MIA2: variants seen among roughly 807,000 people sequenced by gnomAD.
MIA2 encodes MIA SH3 domain ER export factor 2, also known as melanoma inhibitory activity protein 2.
MIA2 carries 127 observed loss-of-function variants against 167.8 expected under a neutral mutation model. That is an observed-to-expected ratio of 0.76 (90% CI 0.66 to 0.88). MIA2 has a LOEUF of 0.88. Among genes scored for constraint, MIA2 ranks in the 40% least tolerant of loss-of-function variants. The probability of loss-of-function intolerance (pLI) is 0.00; values close to 1 mark genes in which losing one functional copy is unlikely to be tolerated. For synonymous variants in MIA2, 552 were observed against 541.9 expected (o/e 1.02, Z -0.26); for missense variants, 1,690 against 1,624.7 (o/e 1.04, Z -0.69).
chr14:39,355,489 C>T (rs962070707), downstream of MIA2, among the ~76,000 whole-genome samples: 2 of 152,218 alleles, frequency 1.3e-5, no homozygotes, highest in South Asian at 2.1e-4. Context: ...ACAATCATGT[C>T]CCCTGCAAAC....
At chr14:39,263,095 G>T (rs1041480000) in intron 6 of MIA2, among the ~76,000 whole-genome samples, 2 of 152,138 alleles carry the variant, frequency 1.3e-5, no homozygotes, top group African/African-American at 4.8e-5. Flanking sequence ...TCTTGTGCCA[G>T]TTTTCAAAGG....
chr14:39,346,915 A>G (rs1486326028), intron 26 of MIA2: 21 of 325,676 alleles, frequency 6.4e-5, no homozygotes, highest in Admixed American at 5.6e-4. Context: ...CTGGAAAGTC[A>G]GTATTTTATT....
chr14:39,261,858 T>C (rs2055134216), intron 6 of MIA2, among the ~76,000 whole-genome samples: 1 of 152,156 alleles, frequency 6.6e-6, no homozygotes, highest in African/African-American at 2.4e-5. Flanking sequence ...TCTTGTACAT[T>C]TGTTTGAGTT....
intron 2 of MIA2, among the ~76,000 whole-genome samples, chr14:39,238,469 G>A (rs1328705402): frequency 2.0e-5 from 3 of 151,930 alleles, no homozygotes; most frequent in East Asian, 3.9e-4. Context: ...CACTATGCCC[G>A]GCCCTAGGTG....
chr14:39,348,365 A>G (rs2073870334), intron 27 of MIA2, among the ~76,000 whole-genome samples: 1 of 152,186 alleles, frequency 6.6e-6, no homozygotes. Flanking sequence ...AATATTTTAA[A>G]GTATATTTTT....
At chr14:39,260,414 T>C (rs2055041317) in intron 6 of MIA2, among the ~76,000 whole-genome samples, 1 of 152,218 alleles carries the variant, frequency 6.6e-6, no homozygotes, top group Non-Finnish European at 1.5e-5. Flanking sequence ...TGGTGTGAGA[T>C]GGTATCTCAT....
intron 2 of MIA2, chr14:39,237,351 C>T (rs1226428252): frequency 5.7e-6 from 2 of 352,992 alleles, no homozygotes; most frequent in African/African-American, 2.1e-5. Flanking sequence ...TGGTCACAAA[C>T]CCCTGAGCTA....
chr14:39,298,530 G>GTTTTTTTTTTT (rs764475842), intron 13 of MIA2, among the ~76,000 whole-genome samples: 556 of 26,082 alleles, frequency 0.021, 31 homozygotes, highest in Non-Finnish European at 0.029. Flanking sequence ...GTAGAACAGA[G>GTTTTTTTTTTT]TTTTTTTTTT....
intron 15 of MIA2, among the ~76,000 whole-genome samples, chr14:39,302,902 CT>C (rs2062762997): frequency 6.6e-6 from 1 of 152,034 alleles, no homozygotes; most frequent in Non-Finnish European, 1.5e-5. Context: ...GTTCTTCAGA[CT>C]TTTATGTCAT....
chr14:39,381,025 A>AAC (rs1555423421), intron 23 of MIA2, among the ~76,000 whole-genome samples: 26 of 145,678 alleles, frequency 1.8e-4, no homozygotes, highest in Admixed American at 1.0e-3. Flanking sequence ...AAAAAAACAA[A>AAC]AAAAAAAAAA....
chr14:39,263,019 C>T (rs1260381050), intron 6 of MIA2, among the ~76,000 whole-genome samples: 2 of 152,160 alleles, frequency 1.3e-5, no homozygotes, highest in South Asian at 2.1e-4. Context: ...CCTTCTCTTG[C>T]CTGATTGCCC....
chr14:39,247,257 G>A lies in MIA2; in HGVS notation c.683G>A (p.Gly228Glu). The change falls in exon 4 of 29, where the codon GGA becomes GAA. Residue 228 changes from glycine to glutamate, a missense_variant. Transcript: ENST00000640607. ...GTGTCTGGAGTCAAAGAATGGTTTG[G>A]ATTGGGAGGAGAACAAGCTGAAGAG... is the stretch of plus-strand genomic sequence containing the variant. ...SAVSGVKEWF[G>E]LGGEQAEEKA... is the part of the protein sequence containing the mutation. 1 of 1,614,046 alleles carries A rather than the reference G, an allele frequency of 6.2e-7. No individual in the cohort carries two copies.
At chr14:39,352,562 T>TG (rs1394812026), downstream of MIA2, among the ~76,000 whole-genome samples, 13 of 151,868 alleles carry the variant, frequency 8.6e-5, no homozygotes, top group Admixed American at 6.6e-4. Flanking sequence ...TTGGTATCTG[T>TG]GGGGGACTGG....
intron 9 of MIA2, among the ~76,000 whole-genome samples, chr14:39,287,199 A>G (rs183394905): frequency 3.6e-4 from 54 of 152,062 alleles, no homozygotes; most frequent in African/African-American, 1.2e-3. Context: ...TTAGCCTCCC[A>G]AGTAGCTGGG....
intron 6 of MIA2, chr14:39,267,205 G>T (rs73277415): frequency 1.4e-5 from 19 of 1,328,124 alleles, no homozygotes; most frequent in Non-Finnish European, 1.8e-5. Context: ...TCGCAGGCTT[G>T]TGCGGGTCGG....
At chr14:39,329,297 CA>C (rs1217604301) in intron 25 of MIA2, among the ~76,000 whole-genome samples, 5 of 152,084 alleles carry the variant, frequency 3.3e-5, no homozygotes, top group Non-Finnish European at 1.5e-5. Flanking sequence ...GTGATTTTTG[CA>C]CATTGATTTT....
Position 39,313,380 on chromosome 14 carries a change from G to A in MIA2, c.3058G>A (p.Glu1020Lys). Reference protein sequence around the residue: ...VEENYRLEKEEKLSKVDEKIS... With the variant: ...VEENYRLEKEKKLSKVDEKIS... ...GGAAAATTATCGGTTAGAGAAAGAA[G>A]AGAAACTTTCTAAAGTAGATGAAAA... The change falls in exon 19 of 29, where the codon GAG becomes AAG. Residue 1020 changes from glutamate to lysine, a missense_variant. By Grantham distance (56) the Glu-to-Lys change is moderately conservative. Transcript: ENST00000640607. The A allele has an allele frequency of 1.2e-6, 2 of 1,602,806 alleles. No individual in the cohort carries two copies. The highest frequency in any genetic ancestry group is 1.7e-6 in the Non-Finnish European group (2 of 1,174,666).
At chr14:39,295,163 A>G (rs2061254023) in intron 13 of MIA2, 134 bp downstream of exon 13, 4 of 672,974 alleles carry the variant, frequency 5.9e-6, no homozygotes, top group Non-Finnish European at 1.1e-5. Context: ...AGTCTCCCAT[A>G]CATATTTCAG....
chr14:39,240,844 T>C (rs2054004207), intron 3 of MIA2, among the ~76,000 whole-genome samples, 197 bp downstream of exon 3: 1 of 152,206 alleles, frequency 6.6e-6, no homozygotes, highest in African/African-American at 2.4e-5. Flanking sequence ...GTAAAAGATT[T>C]TGCTTTCTGA....
Sources: allele counts gnomAD v4.1 joint callset (sites outside exome capture counted in the v4.1 genomes callset), GRCh38; gene constraint gnomAD v4.1.1; transcripts MANE v1.5; gene names NCBI Gene and HGNC (gene_info 2026-07-23, HGNC 2026-07-21).